The following DKK3 variants were observed in gnomAD, a reference collection of about 807,000 sequenced individuals.
The protein encoded by DKK3 is dickkopf Wnt signaling pathway inhibitor 3.
Under a neutral mutation model 33.2 loss-of-function variants are expected in DKK3, and 22 were observed. The observed-to-expected ratio is 0.66, with a 90% CI of 0.47 to 0.95. The LOEUF is 0.95. DKK3 is among the 40% of genes least tolerant of loss of function. DKK3 has a pLI of 0.00. For synonymous variants in DKK3, 194 were observed against 188.8 expected (o/e 1.03, Z -0.23); for missense variants, 398 against 458.4 (o/e 0.87, Z 1.20).
In DKK3 at chr11:11,963,189, C is replaced by T. The variant is rs1327148167; in HGVS notation, c.*1275G>A. 6.6e-6 allele frequency: 1 copy of T among 152,636 alleles called. No homozygotes were observed. Among genetic ancestry groups the T allele is most frequent in the Non-Finnish European group, 1.5e-5 (1 of 68,042 alleles). 9.5% of individuals were successfully genotyped at this position (152,636 alleles called of 1,614,324 possible). The stretch of plus-strand genomic sequence containing the variant: ...AAAACTCAAAGAAAGCATGCTTATA[C>T]AATCATGTGCAACTTTAAACTTTAA... On this transcript the variant is annotated 3_prime_UTR_variant, in exon 7 of 7. Transcript: ENST00000683431.
At chr11:12,004,432 T>G (rs560689121) in intron 1 of DKK3, among the ~76,000 whole-genome samples, 1 of 152,192 alleles carries the variant, frequency 6.6e-6, no homozygotes, top group East Asian at 1.9e-4. Flanking sequence ...TACTTCTGGG[T>G]AGGGACCTTC....
At chr11:11,984,246 G>T (rs1018709414) in intron 3 of DKK3, among the ~76,000 whole-genome samples, 1 of 152,184 alleles carries the variant, frequency 6.6e-6, no homozygotes, top group African/African-American at 2.4e-5. Flanking sequence ...TGTTGAAGTC[G>T]AGTTATCAAA....
intron 3 of DKK3, among the ~76,000 whole-genome samples, chr11:11,983,559 A>G (rs568573272): frequency 6.6e-6 from 1 of 152,340 alleles, no homozygotes; most frequent in East Asian, 1.9e-4. Flanking sequence ...CAGCTATGCC[A>G]TGGGTAAGAC....
chr11:12,008,843 G>T, upstream of DKK3: 10 of 1,156,756 alleles, frequency 8.6e-6, no homozygotes, highest in Non-Finnish European at 1.1e-5. This position sits in a 1 kb window ranked among gnomAD's most constrained non-coding sequence, Gnocchi z 4.6. Flanking sequence ...CCCCATCCTC[G>T]AGCACAAGCT....
chr11:11,964,987 C>T (rs545508173), intron 6 of DKK3, among the ~76,000 whole-genome samples: 1 of 152,332 alleles, frequency 6.6e-6, no homozygotes, highest in African/African-American at 2.4e-5. Flanking sequence ...GTAGCAGCAC[C>T]ACAGCCCCTC....
intron 3 of DKK3, among the ~76,000 whole-genome samples, chr11:11,995,059 T>C (rs1301626364): frequency 2.6e-5 from 4 of 152,098 alleles, no homozygotes; most frequent in African/African-American, 9.7e-5. Context: ...GGAAAATCCA[T>C]CCACCTGTGG....
intron 6 of DKK3, 65 bp downstream of exon 6, chr11:11,965,743 AC>A: frequency 6.4e-7 from 1 of 1,565,202 alleles, no homozygotes; most frequent in Non-Finnish European, 8.6e-7. Context: ...TCCTGCTCCT[AC>A]GCCCCTGCTG....
chr11:11,997,934 G>A (rs1299450617), intron 3 of DKK3, among the ~76,000 whole-genome samples: 1 of 152,114 alleles, frequency 6.6e-6, no homozygotes, highest in Non-Finnish European at 1.5e-5. Context: ...ATACAGGGGG[G>A]CTGGCTTCCT....
chr11:11,984,668 A>AAG (rs1848027842), intron 3 of DKK3, among the ~76,000 whole-genome samples: 1 of 151,648 alleles, frequency 6.6e-6, no homozygotes, highest in African/African-American at 2.4e-5. Flanking sequence ...AAAAAAAAAA[A>AAG]AAAAGAAAAA....
At chr11:11,980,574 C>T (rs1262407453) in intron 3 of DKK3, among the ~76,000 whole-genome samples, 1 of 152,174 alleles carries the variant, frequency 6.6e-6, no homozygotes, top group African/African-American at 2.4e-5. Flanking sequence ...AATGCCCTTA[C>T]CTCCCTTATC....
At chr11:11,968,085 G>T (rs1374570080) in intron 4 of DKK3, among the ~76,000 whole-genome samples, 2 of 152,116 alleles carry the variant, frequency 1.3e-5, no homozygotes, top group Non-Finnish European at 2.9e-5. Context: ...CCAAAGTGCT[G>T]GGATTACAGG....
At chr11:11,997,930 G>T (rs1442821939) in intron 3 of DKK3, among the ~76,000 whole-genome samples, 1 of 152,078 alleles carries the variant, frequency 6.6e-6, no homozygotes, top group African/African-American at 2.4e-5. Context: ...CTGGATACAG[G>T]GGGGCTGGCT....
intron 3 of DKK3, among the ~76,000 whole-genome samples, chr11:11,978,629 T>G (rs1847890986): frequency 6.6e-6 from 1 of 152,146 alleles, no homozygotes; most frequent in South Asian, 2.1e-4. Context: ...TCCTCCCACC[T>G]TGGCCTCCCA....
chr11:11,984,819 G>A (rs577659090), intron 3 of DKK3, among the ~76,000 whole-genome samples: 3 of 152,244 alleles, frequency 2.0e-5, no homozygotes, highest in East Asian at 1.9e-4. Context: ...TCTAAGGAGC[G>A]TCCAATCTCC....
At chr11:11,968,339 TC>T in intron 4 of DKK3, 55 bp downstream of exon 4, 1 of 1,527,074 alleles carries the variant, frequency 6.5e-7, no homozygotes, top group Non-Finnish European at 8.9e-7. Flanking sequence ...CCTGGCTTTC[TC>T]CCCCAGGTGC....
intron 3 of DKK3, among the ~76,000 whole-genome samples, chr11:11,975,090 C>T (rs1847803537): frequency 6.6e-6 from 1 of 152,166 alleles, no homozygotes; most frequent in South Asian, 2.1e-4. Flanking sequence ...TTCAGACTTC[C>T]AGCCTCCAGA....
chr11:11,991,825 T>C (rs1299597701), intron 3 of DKK3, among the ~76,000 whole-genome samples: 1 of 152,196 alleles, frequency 6.6e-6, no homozygotes, highest in Non-Finnish European at 1.5e-5. Context: ...AGAAGTGCCT[T>C]TGCTTATAAA....
intron 3 of DKK3, among the ~76,000 whole-genome samples, chr11:11,982,126 A>T (rs1049570453): frequency 2.6e-5 from 4 of 152,154 alleles, no homozygotes; most frequent in Non-Finnish European, 5.9e-5. Flanking sequence ...TGAACAGCAG[A>T]CATCTGGAGC....
intron 3 of DKK3, among the ~76,000 whole-genome samples, chr11:11,995,710 A>AC (rs1442899015): frequency 1.3e-4 from 20 of 151,932 alleles, no homozygotes; most frequent in African/African-American, 4.8e-4. Context: ...TTTCCTCCTC[A>AC]CCCCCAGCAC....
Sources: allele counts gnomAD v4.1 joint callset (sites outside exome capture counted in the v4.1 genomes callset), GRCh38; gene constraint gnomAD v4.1.1; non-coding constraint Gnocchi (gnomAD v3.1); transcripts MANE v1.5; gene names NCBI Gene and HGNC (gene_info 2026-07-23, HGNC 2026-07-21).